CIITA: variants seen among roughly 807,000 people sequenced by gnomAD.
CIITA encodes MHC class II transactivator.
CIITA carries 72 observed loss-of-function variants against 115.1 expected under a neutral mutation model. That is an observed-to-expected ratio of 0.63 (90% CI 0.52 to 0.76). CIITA has a LOEUF of 0.76. Among genes scored for constraint, CIITA ranks in the 30% least tolerant of loss-of-function variants. The pLI is 0.00. For synonymous variants in CIITA, 763 were observed against 635.6 expected, an observed-to-expected ratio of 1.20 and a Z score of -3.02; for missense variants, 1,617 against 1,463.8, an observed-to-expected ratio of 1.10 and a Z score of -1.71.
At chr16:10,883,713 G>A (rs2036645884) in intron 1 of CIITA, among the ~76,000 whole-genome samples, 1 of 152,178 alleles carries the variant, frequency 6.6e-6, no homozygotes, top group South Asian at 2.1e-4. Context: ...AGTAGGAGAT[G>A]GAGATTTGCA....
At chr16:10,872,797 T>C (rs528861696), upstream of CIITA, among the ~76,000 whole-genome samples, 4 of 152,362 alleles carry the variant, frequency 2.6e-5, no homozygotes, top group South Asian at 8.3e-4. Context: ...CTAGAAATTA[T>C]GGTGGACTCC....
chr16:10,884,454 G>A (rs1328261942), intron 1 of CIITA, among the ~76,000 whole-genome samples: 1 of 152,058 alleles, frequency 6.6e-6, no homozygotes, highest in Non-Finnish European at 1.5e-5. Context: ...TCACTCTGTT[G>A]CCCAGGTTGG....
chr16:10,878,929 G>C (rs2036116671), intron 1 of CIITA: 2 of 226,628 alleles, frequency 8.8e-6, no homozygotes, highest in South Asian at 1.8e-4. Flanking sequence ...AGAACTGCGG[G>C]GAGGCGGGGA....
chr16:10,880,356 A>C (rs985274921), intron 1 of CIITA, among the ~76,000 whole-genome samples: 3 of 152,168 alleles, frequency 2.0e-5, no homozygotes, highest in Non-Finnish European at 2.9e-5. Flanking sequence ...GGTGACTCCA[A>C]TGTTCGTTTG....
intron 8 of CIITA, 25 bp downstream of exon 8, chr16:10,902,826 A>G (rs1030330045): frequency 1.9e-6 from 3 of 1,613,426 alleles, no homozygotes; most frequent in African/African-American, 1.3e-5. Flanking sequence ...TGGCTCCCCG[A>G]CCACCTCTCC....
At position 10,910,260 on chromosome 16, in the gene CIITA, G is replaced by T; in HGVS notation, c.2888+1G>T. The T allele has an allele frequency of 6.2e-7, 1 of 1,613,408 alleles. No homozygotes were observed. Among genetic ancestry groups the T allele is most frequent in the Non-Finnish European group, 8.5e-7 (1 of 1,179,482 alleles). On this transcript the variant is annotated splice_donor_variant, in intron 13 of 19. Coordinates refer to ENST00000324288, the MANE Select transcript of CIITA (RefSeq NM_000246.4). LOFTEE classifies it high-confidence loss of function. ...GGGACCTAAAGAAACTGGAGTTTGC[G>T]TAAGCAAAGGGGTGGATTGTCTTGT... is the stretch of plus-strand genomic sequence containing the variant.
intron 1 of CIITA, chr16:10,888,614 A>C (rs1159024571): frequency 1.3e-5 from 2 of 152,222 alleles, no homozygotes; most frequent in Non-Finnish European, 2.9e-5. Flanking sequence ...ATAAACCCCA[A>C]AAAGGACTTT....
intron 13 of CIITA, among the ~76,000 whole-genome samples, chr16:10,913,942 A>AAAATAAAT (rs59779472): frequency 0.39 from 52,130 of 132,728 alleles, 9,724 homozygotes; most frequent in South Asian, 0.55. Flanking sequence ...CCCCATCTCA[A>AAAATAAAT]AAATAAATAA....
downstream of CIITA, chr16:10,938,177 G>A (rs894986231): frequency 6.6e-6 from 1 of 152,146 alleles, no homozygotes; most frequent in Non-Finnish European, 1.5e-5. The surrounding 1 kb of genome is among the most constrained non-coding windows in gnomAD (Gnocchi z 4.9). Flanking sequence ...CAACAAGGGA[G>A]ATTTTCATTA....
At position 10,942,227 on chromosome 16, in the gene CIITA, G is replaced by A; in HGVS notation, n.1353G>A. On this transcript the variant is annotated non_coding_transcript_exon_variant, in exon 2 of 2. Coordinates refer to the CIITA transcript ENST00000573379. The surrounding 1 kb of genome is among the most constrained non-coding windows in gnomAD (Gnocchi z 5.0). Reference sequence around the variant, plus strand: ...ATGTGCCCCCAAGGATCTCTCGACCGCCCGGGCGGCGAGGCGGGCCCCCCT... The same window carrying A: ...ATGTGCCCCCAAGGATCTCTCGACCACCCGGGCGGCGAGGCGGGCCCCCCT... The A allele has an allele frequency of 2.6e-6, 1 of 388,990 alleles. No individual in the cohort carries two copies. The highest frequency in any genetic ancestry group is 4.8e-5 in the South Asian group (1 of 20,972). 24.1% of individuals were successfully genotyped at this position (388,990 alleles called of 1,614,324 possible). A position where few individuals can be genotyped will look rare whatever the true frequency, so the allele number is the denominator to read the frequency against.
intron 1 of CIITA, among the ~76,000 whole-genome samples, chr16:10,892,909 G>T (rs1398992456): frequency 6.6e-6 from 1 of 152,166 alleles, no homozygotes; most frequent in East Asian, 1.9e-4. Context: ...TCCAGCCTGG[G>T]CAACAGAGCA....
intron 1 of CIITA, among the ~76,000 whole-genome samples, chr16:10,893,959 C>T (rs1193124680): frequency 6.6e-6 from 1 of 152,032 alleles, no homozygotes; most frequent in Non-Finnish European, 1.5e-5. Flanking sequence ...AGTTGTTCCC[C>T]ATTTCCTTCC....
chr16:10,867,891 G>T (rs1261425641), intron 1 of CIITA, among the ~76,000 whole-genome samples: 1 of 152,210 alleles, frequency 6.6e-6, no homozygotes, highest in East Asian at 1.9e-4. Flanking sequence ...AACTAGCTGG[G>T]ACTACAGGCA....
intron 5 of CIITA, among the ~76,000 whole-genome samples, chr16:10,899,666 G>A (rs2144449656): frequency 6.6e-6 from 1 of 152,248 alleles, no homozygotes; most frequent in Non-Finnish European, 1.5e-5. Context: ...CTGTAAAATG[G>A]GTGTAACAGT....
Position 10,879,084 on chromosome 16 carries a change from T to C in CIITA, c.52+1702T>C. On this transcript the variant is annotated intron_variant, in intron 1 of 19. Transcript: ENST00000324288. This position sits in a 1 kb window ranked among gnomAD's most constrained non-coding sequence, Gnocchi z 4.3. ...TCCTCTGTAACCCCTAAGGTCGGGC[T>C]GAGAATCGAGGCTCCGAGACTGTCA... 1 of 196,366 alleles carries C rather than the reference T, an allele frequency of 5.1e-6. No individual in the cohort carries two copies. The highest frequency in any genetic ancestry group is 7.9e-5 in the East Asian group (1 of 12,656). The allele number at this position is 196,366 out of a possible 1,614,324, so 12.2% of individuals were successfully genotyped here.
At chr16:10,889,075 T>C (rs567635877) in intron 1 of CIITA, among the ~76,000 whole-genome samples, 24 of 152,324 alleles carry the variant, frequency 1.6e-4, no homozygotes, top group African/African-American at 5.8e-4. Context: ...GAAGAGAGGC[T>C]GCCATGCGCA....
intron 7 of CIITA, 139 bp from the exon 8 acceptor site, chr16:10,902,519 G>A (rs985933995): frequency 9.4e-7 from 1 of 1,064,592 alleles, no homozygotes; most frequent in Non-Finnish European, 1.4e-6. Flanking sequence ...AATTCCATCA[G>A]GGCAGGACAG....
chr16:10,916,546 T>A, intron 15 of CIITA, 87 bp downstream of exon 15: 1 of 1,155,652 alleles, frequency 8.7e-7, no homozygotes, highest in Non-Finnish European at 1.3e-6. Context: ...TTTGTTTTTT[T>A]AGACAAGGGC....
At chr16:10,893,804 TAAAAAA>T (rs71136603) in intron 1 of CIITA, among the ~76,000 whole-genome samples, 45 of 32,170 alleles carry the variant, frequency 1.4e-3, no homozygotes, top group Admixed American at 4.3e-3. Flanking sequence ...GACTCCGTCT[TAAAAAA>T]AAAAAAAAAA....
Sources: gnomAD v4.1 joint callset for allele counts (sites outside exome capture counted in the v4.1 genomes callset) on GRCh38, gnomAD v4.1.1 for gene constraint, Gnocchi (gnomAD v3.1) non-coding constraint, MANE v1.5 for transcripts, NCBI Gene and HGNC (gene_info 2026-07-23, HGNC 2026-07-21) for gene names.